The following SPTBN5 variants were observed in gnomAD, a reference collection of about 807,000 sequenced individuals.
SPTBN5 encodes the protein spectrin beta chain, non-erythrocytic 5.
SPTBN5 carries 513 observed loss-of-function variants against 477.6 expected under a neutral mutation model. The ratio of observed to expected loss-of-function variants is 1.07; its 90% CI spans 1.00 to 1.16. The LOEUF is 1.16. Ranked by LOEUF, SPTBN5 falls within the 50% of genes most tolerant of loss-of-function variation. The pLI is 0.00. For synonymous variants in SPTBN5, 2,169 were observed against 2,011.7 expected (o/e 1.08, Z -2.09); for missense variants, 5,062 against 4,731.8 (o/e 1.07, Z -2.05).
intron 28 of SPTBN5, 95 bp downstream of exon 28, chr15:41,871,687 G>T: frequency 1.4e-6 from 2 of 1,431,192 alleles, no homozygotes; most frequent in Non-Finnish European, 1.8e-6. Context: ...TCACCGCTCT[G>T]CTGCCACCTT....
chr15:41,884,033 C>T (rs1020626636), intron 7 of SPTBN5, among the ~76,000 whole-genome samples: 8 of 152,018 alleles, frequency 5.3e-5, no homozygotes, highest in African/African-American at 1.7e-4. Flanking sequence ...TCGCCCAGGC[C>T]GGACTGCGGT....
intron 5 of SPTBN5, 73 bp from the exon 6 acceptor site, chr15:41,887,514 A>C (rs2067193066): frequency 1.7e-6 from 2 of 1,189,462 alleles, no homozygotes; most frequent in African/African-American, 1.5e-5. Context: ...TCTTAAATGC[A>C]CTCATGCTCC....
At chr15:41,872,807 G>T (rs2066592411) in intron 26 of SPTBN5, among the ~76,000 whole-genome samples, 1 of 152,212 alleles carries the variant, frequency 6.6e-6, no homozygotes, top group Non-Finnish European at 1.5e-5. Flanking sequence ...AGTTAAACAA[G>T]CTGTCCAGTA....
chr15:41,893,251 TG>T (rs1567237699), intron 2 of SPTBN5, 30 bp downstream of exon 2: 2 of 1,613,082 alleles, frequency 1.2e-6, no homozygotes, highest in Admixed American at 3.3e-5. Context: ...CTGGTATGGG[TG>T]GGCTGTGGGT....
intron 7 of SPTBN5, 139 bp from the exon 8 acceptor site, chr15:41,883,625 C>T (rs2067052449): frequency 1.0e-6 from 1 of 973,820 alleles, no homozygotes; most frequent in Non-Finnish European, 1.5e-6. Flanking sequence ...TGGACTCTGA[C>T]AGCATCCTGG....
chr15:41,861,124 C>T (rs2066091356), intron 46 of SPTBN5, among the ~76,000 whole-genome samples: 1 of 152,236 alleles, frequency 6.6e-6, no homozygotes, highest in Admixed American at 6.5e-5. Context: ...GAAAAGCCAA[C>T]CTCTAGGCAT....
intron 23 of SPTBN5, 76 bp downstream of exon 23, chr15:41,874,766 C>G (rs1400789770): frequency 3.5e-6 from 5 of 1,446,292 alleles, no homozygotes; most frequent in Non-Finnish European, 4.7e-6. Flanking sequence ...CACCCCGGTC[C>G]TGTGGGTGCC....
In SPTBN5 at chr15:41,854,871, G is replaced by C. The variant is rs1341583606; in HGVS notation, c.9529C>G (p.Pro3177Ala). The C allele has an allele frequency of 6.2e-7, 1 of 1,609,582 alleles. No individual in the cohort carries two copies. Among genetic ancestry groups the C allele is most frequent in the East Asian group, 2.2e-5 (1 of 44,752 alleles). The change falls in exon 56 of 68, where the codon CCC becomes GCC. Residue 3177 changes from proline (P) to alanine (A), a missense_variant. By Grantham distance (27) the Pro-to-Ala change is conservative. Transcript: ENST00000320955. Reference protein sequence around the residue: ...KLAGTLERGAPRRYPHIQAQR... With the variant: ...KLAGTLERGAARRYPHIQAQR... Reference sequence around the variant, plus strand: ...GCTTGGATGTGGGGATAGCGCCTGGGTGCACCCCGCTCCAGGGTGCCTGCC... The same window carrying C: ...GCTTGGATGTGGGGATAGCGCCTGGCTGCACCCCGCTCCAGGGTGCCTGCC...
intron 17 of SPTBN5, among the ~76,000 whole-genome samples, chr15:41,878,137 G>C (rs28674949): frequency 0.099 from 15,003 of 152,184 alleles, 1,000 homozygotes; most frequent in South Asian, 0.19. Context: ...GTCTCTCCTC[G>C]AAGTGTACAG....
intron 32 of SPTBN5, among the ~76,000 whole-genome samples, chr15:41,869,597 G>A (rs2066460401): frequency 1.3e-5 from 2 of 152,146 alleles, no homozygotes; most frequent in South Asian, 2.1e-4. Flanking sequence ...GCCCTGTCTG[G>A]GACCCTGCAT....
chr15:41,876,710 C>T (rs1211556757), intron 19 of SPTBN5, 63 bp from the exon 20 acceptor site: 1 of 1,555,132 alleles, frequency 6.4e-7, no homozygotes, highest in Non-Finnish European at 8.8e-7. Context: ...GCACGAGGTG[C>T]ACTCTCCCCC....
chr15:41,875,727 AGCTGCACTCCACGG>A, intron 21 of SPTBN5, 105 bp from the exon 22 acceptor site: 1 of 1,194,762 alleles, frequency 8.4e-7, no homozygotes, highest in Non-Finnish European at 1.1e-6. Context: ...GGGTGACCAC[AGCTGCACTCCACGG>A]GCTGCCTGGA....
Position 41,853,086 on chromosome 15 carries a change from G to GT in SPTBN5, c.10171-87_10171-86insA. 3.5e-6 allele frequency: 5 copies of GT among 1,441,186 alleles called. No individual in the cohort carries two copies. The South Asian group carries it at 7.3e-5, about 21-fold the overall frequency. 89.3% of individuals were successfully genotyped at this position (1,441,186 alleles called of 1,614,324 possible). A position where few individuals can be genotyped will look rare whatever the true frequency, so the allele number is the denominator to read the frequency against. Reference sequence around the variant, plus strand: ...AGGGCTGGAGAGCCAAGTGTTAATGGAAGTGCAGAGGGAAGGCTGTGAGAC... The same window carrying GT: ...AGGGCTGGAGAGCCAAGTGTTAATGGTAAGTGCAGAGGGAAGGCTGTGAGAC... On this transcript the variant is annotated intron_variant, in intron 59 of 67. Coordinates refer to ENST00000320955, the MANE Select transcript of SPTBN5 (RefSeq NM_016642.4).
At chr15:41,870,407 T>TG (rs778291707) in intron 30 of SPTBN5, 39 bp downstream of exon 30, 9 of 1,610,042 alleles carry the variant, frequency 5.6e-6, no homozygotes, top group Middle Eastern at 1.6e-4. Flanking sequence ...GCACTGAGCC[T>TG]GGAGTGTATC....
chr15:41,864,071 C>T, intron 39 of SPTBN5, 47 bp from the exon 40 acceptor site: 1 of 1,488,576 alleles, frequency 6.7e-7, no homozygotes, highest in Non-Finnish European at 9.2e-7. Flanking sequence ...CCATGCAGAG[C>T]CCCTTCTTCC....
chr15:41,865,670 A>T (rs1469131871), intron 39 of SPTBN5, 138 bp downstream of exon 39: 6 of 730,526 alleles, frequency 8.2e-6, no homozygotes, highest in African/African-American at 1.8e-5. Flanking sequence ...GGGTGAGAGG[A>T]GGGAGCCTGC....
chr15:41,852,236 C>G lies in SPTBN5; in HGVS notation c.10530G>C (p.Arg3510Ser), dbSNP rs773124902. ...CTCCTAGCCCCTGGTGTCCAGAGGG[C>G]CTCCACTGAAAGGATGTCAGCGAGC... ...AGSSLTSFQW[R>S]PSGHQGLGAQ... The change falls in exon 62 of 68, where the codon AGG (arginine) becomes AGC (serine). Residue 3510 changes from arginine (R) to serine (S), a missense_variant. Transcript: ENST00000320955. 1 of 1,611,114 alleles carries G rather than the reference C, an allele frequency of 6.2e-7. No homozygotes were observed. Among genetic ancestry groups the G allele is most frequent in the Non-Finnish European group, 8.5e-7 (1 of 1,178,702 alleles).
In SPTBN5 at chr15:41,873,885, G is replaced by A. The variant is rs1162486806; in HGVS notation, c.4850C>T (p.Ala1617Val). The change falls in exon 25 of 68, where the codon GCG becomes GTG. Residue 1617 changes from alanine (A) to valine (V), a missense_variant. By Grantham distance (64) the Ala-to-Val change is moderately conservative. Coordinates refer to ENST00000320955, the MANE Select transcript of SPTBN5 (RefSeq NM_016642.4). Reference sequence around the variant, plus strand: ...AGCCTGCTGCAGACACTGGGCCCGCGCTTCACATGCCCTCTCCAGCTCTGC... The same window carrying A: ...AGCCTGCTGCAGACACTGGGCCCGCACTTCACATGCCCTCTCCAGCTCTGC... Reference protein sequence around the residue: ...HWAELERACEARAQCLQQAVT... With the variant: ...HWAELERACEVRAQCLQQAVT... 8 of 1,611,286 alleles carry A rather than the reference G, an allele frequency of 5.0e-6. No homozygotes were observed. Among genetic ancestry groups the A allele is most frequent in the Admixed American group, 1.7e-5 (1 of 60,032 alleles).
chr15:41,873,653 C>T, intron 25 of SPTBN5, 45 bp from the exon 26 acceptor site: 1 of 1,503,300 alleles, frequency 6.7e-7, no homozygotes, highest in Non-Finnish European at 9.0e-7. Context: ...TCAGACAGGA[C>T]CCTCCGTCAG....
Sources: gnomAD v4.1 joint callset for allele counts (sites outside exome capture counted in the v4.1 genomes callset) on GRCh38, gnomAD v4.1.1 for gene constraint, MANE v1.5 for transcripts, NCBI Gene and HGNC (gene_info 2026-07-23, HGNC 2026-07-21) for gene names.